KIF26A: variants seen among roughly 807,000 people sequenced by gnomAD.
KIF26A encodes kinesin-like protein KIF26A.
Under a neutral mutation model 126.0 loss-of-function variants are expected in KIF26A, and 74 were observed. That is an observed-to-expected ratio of 0.59 (90% confidence interval 0.49 to 0.71). KIF26A has a LOEUF of 0.71. Among genes scored for constraint, KIF26A ranks in the 30% least tolerant of loss-of-function variants. The pLI is 0.00. For synonymous variants in KIF26A, 1,445 were observed against 1,232.7 expected (o/e 1.17, Z -3.61); for missense variants, 2,984 against 2,763.3 (o/e 1.08, Z -1.79).
intron 2 of KIF26A, among the ~76,000 whole-genome samples, chr14:104,149,344 G>T (rs1316087321): frequency 6.6e-6 from 1 of 152,160 alleles, no homozygotes; most frequent in Non-Finnish European, 1.5e-5. Flanking sequence ...GTGGGCTTTC[G>T]CTGTGGGGCC....
chr14:104,160,257 C>T (rs1270084729), intron 4 of KIF26A, among the ~76,000 whole-genome samples: 1 of 152,048 alleles, frequency 6.6e-6, no homozygotes, highest in African/African-American at 2.4e-5. Flanking sequence ...GGGTGGAGGT[C>T]AGGAGTTTGA....
chr14:104,177,923 C>T, intron 12 of KIF26A, 25 bp downstream of exon 12: 1 of 1,479,358 alleles, frequency 6.8e-7, no homozygotes, highest in African/African-American at 1.4e-5. Context: ...GCACAGCCCT[C>T]TACAGTTTAC....
intron 3 of KIF26A, among the ~76,000 whole-genome samples, chr14:104,155,781 C>T (rs981262673): frequency 7.2e-5 from 11 of 152,210 alleles, no homozygotes; most frequent in South Asian, 2.1e-4. Flanking sequence ...AGGCCTGTAC[C>T]GTTGCTGGGC....
At chr14:104,167,171 G>T (rs1282648654) in intron 5 of KIF26A, 123 bp downstream of exon 5, 3 of 1,101,744 alleles carry the variant, frequency 2.7e-6, no homozygotes, top group Non-Finnish European at 3.7e-6. Context: ...AGGGTGGTCA[G>T]TGGGGTGCCA....
Position 104,178,873 on chromosome 14 carries a change from A to G in KIF26A, c.5316+118A>G, listed in dbSNP as rs1000418480. 4 of 637,714 alleles carry G rather than the reference A, an allele frequency of 6.3e-6. No individual in the cohort carries two copies. The East Asian group carries it at 1.2e-4, about 19-fold the overall frequency. The allele number at this position is 637,714 out of a possible 1,614,324, so 39.5% of individuals were successfully genotyped here. A position where few individuals can be genotyped will look rare whatever the true frequency, so the allele number is the denominator to read the frequency against. On this transcript the variant is annotated intron_variant, in intron 13 of 14. Transcript: ENST00000423312. Reference sequence around the variant, plus strand: ...TGGGGGTGTGGCTGGGCAGCCCCTGACCTCACTTTCTGTCCACGTTCCTCC... The same window carrying G: ...TGGGGGTGTGGCTGGGCAGCCCCTGGCCTCACTTTCTGTCCACGTTCCTCC...
chr14:104,142,837 T>C (rs1396365422), intron 2 of KIF26A, among the ~76,000 whole-genome samples: 1 of 152,206 alleles, frequency 6.6e-6, no homozygotes, highest in Non-Finnish European at 1.5e-5. Flanking sequence ...GTTGAATGAC[T>C]GAATGACCAG....
chr14:104,175,511 A>G lies in KIF26A; in HGVS notation c.2723A>G (p.His908Arg), dbSNP rs1596149694. Reference sequence around the variant, plus strand: ...CGAGGCAGTTCTGGTCCAGACACCCACCAGGGTACCCCTGAGCCCTGCAAG... The same window carrying G: ...CGAGGCAGTTCTGGTCCAGACACCCGCCAGGGTACCCCTGAGCCCTGCAAG... ...TPRGSSGPDT[H>R]QGTPEPCKAI... The change falls in exon 12 of 15, where the codon CAC becomes CGC. Residue 908 changes from histidine to arginine, a missense_variant. Physicochemically the swap from His to Arg is conservative, Grantham distance 29. Transcript: ENST00000423312. The G allele has an allele frequency of 6.3e-7, 1 of 1,597,834 alleles. No individual in the cohort carries two copies. Among genetic ancestry groups the G allele is most frequent in the African/African-American group, 1.3e-5 (1 of 74,884 alleles).
chr14:104,159,076 C>T (rs764726702), intron 4 of KIF26A, among the ~76,000 whole-genome samples: 13 of 152,332 alleles, frequency 8.5e-5, no homozygotes, highest in Middle Eastern at 3.4e-3. Flanking sequence ...TGTCGCACGC[C>T]GTGTGCCGGG....
At chr14:104,146,200 G>A (rs538234573) in intron 2 of KIF26A, among the ~76,000 whole-genome samples, 16 of 152,348 alleles carry the variant, frequency 1.1e-4, no homozygotes, top group Admixed American at 7.8e-4. Context: ...TTTTGGGGGT[G>A]GGTGGCCCCT....
rs745329476 is a variant in KIF26A at position 104,179,753 on chromosome 14, G to A, written c.5612G>A (p.Ser1871Asn). 21 of 1,553,326 alleles carry A rather than the reference G, an allele frequency of 1.4e-5. No individual in the cohort carries two copies. The highest frequency in any genetic ancestry group is 1.8e-5 in the Non-Finnish European group (21 of 1,149,372). Residue 1871 changes from serine (S) to asparagine (N), a missense_variant, in exon 15 of 15, where the codon AGT (serine) becomes AAT (asparagine). Coordinates refer to ENST00000423312, the MANE Select transcript of KIF26A (RefSeq NM_015656.2). The part of the protein sequence containing the change: ...VTCFDISVAA[S>N]AAIPGPQEVD... Reference sequence around the variant, plus strand: ...TGCTTCGACATCAGCGTTGCAGCCAGTGCTGCCATCCCGGGGCCGCAGGAG... The same window carrying A: ...TGCTTCGACATCAGCGTTGCAGCCAATGCTGCCATCCCGGGGCCGCAGGAG...
chr14:104,156,931 C>G (rs567864124), intron 3 of KIF26A, among the ~76,000 whole-genome samples: 1 of 152,120 alleles, frequency 6.6e-6, no homozygotes, highest in African/African-American at 2.4e-5. Context: ...CGTGACCTGA[C>G]CAGGCCACGG....
chr14:104,171,524 C>T (rs2037956584), intron 5 of KIF26A, among the ~76,000 whole-genome samples, 199 bp from the exon 6 acceptor site: 2 of 152,246 alleles, frequency 1.3e-5, no homozygotes, highest in Non-Finnish European at 2.9e-5. Flanking sequence ...CCCTGGCCCT[C>T]ACCTTCTCCC....
chr14:104,143,266 C>T (rs1319431778), intron 2 of KIF26A, among the ~76,000 whole-genome samples: 4 of 152,330 alleles, frequency 2.6e-5, no homozygotes, highest in Admixed American at 6.5e-5. Context: ...AGCTGCCCAT[C>T]GAGGCTGTGG....
Position 104,179,939 on chromosome 14 carries a change from G to A in KIF26A, c.*149G>A. 1.1e-6 allele frequency: 1 copy of A among 881,014 alleles called. No individual in the cohort carries two copies. Among genetic ancestry groups the A allele is most frequent in the Non-Finnish European group, 1.7e-6 (1 of 605,934 alleles). 54.6% of individuals were successfully genotyped at this position (881,014 alleles called of 1,614,324 possible). On this transcript the variant is annotated 3_prime_UTR_variant, in exon 15 of 15. Transcript: ENST00000423312. ...TCTCAGAGAGGAGACGGAGTGTGGG[G>A]GAGGGAGGGCCGGCCACGCGGTGGA...
At chr14:104,153,608 C>T in intron 3 of KIF26A, among the ~76,000 whole-genome samples, 6 of 151,854 alleles carry the variant, frequency 4.0e-5, no homozygotes, top group African/African-American at 1.5e-4. Flanking sequence ...CCGAACCCCA[C>T]CCTTGCCATG....
chr14:104,173,578 G>C, intron 9 of KIF26A, 65 bp downstream of exon 9: 1 of 1,505,302 alleles, frequency 6.6e-7, no homozygotes. Context: ...CCAGGCACAG[G>C]GGCCTGTCAT....
rs774519357 is a variant in KIF26A at position 104,172,596 on chromosome 14, G to A, written c.1348G>A (p.Val450Met). The A allele has an allele frequency of 3.1e-6, 5 of 1,613,000 alleles. No individual in the cohort carries two copies. The highest frequency in any genetic ancestry group is 4.2e-6 in the Non-Finnish European group (5 of 1,179,690). ...SEQAEVCSGT[V>M]ADVLQSVVSG... Reference sequence around the variant, plus strand: ...CTAGGCCGAAGTCTGCTCGGGGACCGTGGCCGACGTGCTCCAGTCGGTGGT... The same window carrying A: ...CTAGGCCGAAGTCTGCTCGGGGACCATGGCCGACGTGCTCCAGTCGGTGGT... The change falls in exon 7 of 15, where the codon GTG becomes ATG. Residue 450 changes from valine (V) to methionine (M), a missense_variant. Physicochemically the swap from Val to Met is conservative, Grantham distance 21 (BLOSUM62 1). Transcript: ENST00000423312.
Position 104,175,872 on chromosome 14 carries a change from C to T in KIF26A, c.3084C>T (p.Gly1028=), listed in dbSNP as rs763244927. 12 of 1,539,778 alleles carry T rather than the reference C, an allele frequency of 7.8e-6. No individual in the cohort carries two copies. Among genetic ancestry groups the T allele is most frequent in the Middle Eastern group, 1.7e-4 (1 of 5,964 alleles). ...TGCAGCGGCCAGTGGAGCTCAACGG[C>T]GAGGACGAGCTGGTGTTCACGGTGG... ...VTLQRPVELN[G]EDELVFTVVE... is the part of the protein sequence containing the mutation. Residue 1028 remains glycine (G), a synonymous_variant, in exon 12 of 15, where the codon GGC becomes GGT. Transcript: ENST00000423312.
rs78184481 is a variant in KIF26A at position 104,176,187 on chromosome 14, C to T, written c.3399C>T (p.Phe1133=). ...GTGACCCCACGCCGCAGCCCCGCTT[C>T]AGCCCCGACTCGCTGGCAGGGCTTG... ...DSRDPTPQPR[F]SPDSLAGLDP... The change falls in exon 12 of 15, where the codon TTC becomes TTT. Residue 1133 remains phenylalanine (F), a synonymous_variant. Coordinates refer to ENST00000423312, the MANE Select transcript of KIF26A (RefSeq NM_015656.2). 0.057 allele frequency: 90,447 copies of T among 1,597,980 alleles called. 2,889 individuals are homozygous for T. Among genetic ancestry groups the T allele is most frequent in the Non-Finnish European group, 0.065 (76,444 of 1,173,368 alleles).
Sources: allele counts gnomAD v4.1 joint callset (sites outside exome capture counted in the v4.1 genomes callset), GRCh38; gene constraint gnomAD v4.1.1; transcripts MANE v1.5; gene names NCBI Gene and HGNC (gene_info 2026-07-23, HGNC 2026-07-21).